ADAMTS2: variants seen among roughly 807,000 people sequenced by gnomAD.
The protein encoded by ADAMTS2 is A disintegrin and metalloproteinase with thrombospondin motifs 2.
A neutral mutation model predicts 123.0 loss-of-function variants in ADAMTS2; 50 were observed. The observed-to-expected ratio is 0.41, with a 90% CI of 0.32 to 0.51. The LOEUF is 0.51. ADAMTS2 is among the 20% of genes least tolerant of loss of function. ADAMTS2 has a pLI of 0.35. For synonymous variants in ADAMTS2, 678 were observed against 695.4 expected, an observed-to-expected ratio of 0.98 and a Z score of 0.39; for missense variants, 1,494 against 1,705.2, an observed-to-expected ratio of 0.88 and a Z score of 2.18.
At chr5:179,270,824 C>G (rs550918077) in intron 3 of ADAMTS2, among the ~76,000 whole-genome samples, 2 of 152,204 alleles carry the variant, frequency 1.3e-5, no homozygotes, top group Admixed American at 1.3e-4. Context: ...CCGAGCCCCT[C>G]ATGCAGGGTC....
chr5:179,226,766 TC>T (rs1306672927), intron 3 of ADAMTS2, among the ~76,000 whole-genome samples: 7 of 152,176 alleles, frequency 4.6e-5, no homozygotes, highest in Non-Finnish European at 5.9e-5. Flanking sequence ...ATTCTAGTTA[TC>T]AAATTTAATC....
intron 2 of ADAMTS2, among the ~76,000 whole-genome samples, chr5:179,280,139 T>C (rs1157377377): frequency 6.6e-6 from 1 of 152,186 alleles, no homozygotes; most frequent in Non-Finnish European, 1.5e-5. Context: ...ACTCTAACCT[T>C]CCCTGGACCT....
Position 179,303,052 on chromosome 5 carries a change from C to T in ADAMTS2, c.535-29988G>A, listed in dbSNP as rs1276141017. On this transcript the variant is annotated intron_variant, in intron 2 of 21. Coordinates refer to ENST00000251582, the MANE Select transcript of ADAMTS2 (RefSeq NM_014244.5). The surrounding 1 kb of genome is among the most constrained non-coding windows in gnomAD (Gnocchi z 4.7). ...GGCGGGGGCAGACTGCACAGAGCTT[C>T]CTCTGCTGTGGGGAGGAGATTGGAT... Among the ~76,000 whole-genome samples, 1 of 151,562 alleles carries T rather than the reference C, an allele frequency of 6.6e-6. No homozygotes were observed. The highest frequency in any genetic ancestry group is 2.4e-5 in the African/African-American group (1 of 41,062).
intron 2 of ADAMTS2, among the ~76,000 whole-genome samples, chr5:179,299,266 A>C (rs112182100): frequency 0.028 from 4,035 of 146,630 alleles, 212 homozygotes; most frequent in African/African-American, 0.091. Flanking sequence ...GCGGTGGCTC[A>C]CGCCTGTAAT....
In ADAMTS2 at chr5:179,152,251, C is replaced by T. The variant is rs148263300; in HGVS notation, c.1520G>A (p.Arg507Gln). 22 of 1,613,790 alleles carry T rather than the reference C, an allele frequency of 1.4e-5. No homozygotes were observed. The African/African-American group carries it at 1.6e-4, about 12-fold the overall frequency. ...GLGYMMCTAF[R>Q]TFDPCKQLWC... ...CAGCTGCTTGCAGGGGTCAAAGGTC[C>T]GGAACTGGAAGACAGCACCATAGCT... Residue 507 changes from arginine to glutamine, a missense_variant, in exon 10 of 22, where the codon CGG (arginine) becomes CAG (glutamine). By Grantham distance (43) the Arg-to-Gln change is conservative. Coordinates refer to ENST00000251582, the MANE Select transcript of ADAMTS2 (RefSeq NM_014244.5).
intron 3 of ADAMTS2, among the ~76,000 whole-genome samples, chr5:179,261,193 A>G (rs1006172690): frequency 1.3e-5 from 2 of 152,262 alleles, no homozygotes; most frequent in African/African-American, 4.8e-5. Context: ...ATAAACAGGC[A>G]AAGGACTTAG....
At position 179,125,104 on chromosome 5, in the gene ADAMTS2, T is replaced by G. The variant is rs1762831446; in HGVS notation, c.2827A>C (p.Ile943Leu). 6.2e-7 allele frequency: 1 copy of G among 1,612,904 alleles called. No homozygotes were observed. Among genetic ancestry groups the G allele is most frequent in the South Asian group, 1.1e-5 (1 of 91,082 alleles). ...TGMQVRSVRCIQPLHDNTTRS... is the reference protein window; with the variant it reads ...TGMQVRSVRCLQPLHDNTTRS... ...GTGGTGTTGTCGTGTAGCGGCTGAA[T>G]GCAGCGCACGGAGCGCACCTGCATG... The change falls in exon 19 of 22, where the codon ATT (isoleucine) becomes CTT (leucine). Residue 943 changes from isoleucine to leucine, a missense_variant. This residue lies in a region of ADAMTS2 where 953 missense variants were observed against 1,124.7 expected (regional missense o/e 0.85). Coordinates refer to ENST00000251582, the MANE Select transcript of ADAMTS2 (RefSeq NM_014244.5).
At chr5:179,299,530 AACACACACACACACACAC>A (rs3986821) in intron 2 of ADAMTS2, among the ~76,000 whole-genome samples, 1 of 120,440 alleles carries the variant, frequency 8.3e-6, no homozygotes, top group African/African-American at 3.2e-5. Context: ...CTCCAACTCA[AACACACACACACACACAC>A]ACACACACAC....
intron 4 of ADAMTS2, 42 bp downstream of exon 4, chr5:179,207,471 A>AACCAGCCCCC: frequency 9.7e-7 from 1 of 1,026,474 alleles, no homozygotes; most frequent in Non-Finnish European, 1.5e-6. Flanking sequence ...CCCCTGGTTG[A>AACCAGCCCCC]CCCTCCCCGC....
intron 5 of ADAMTS2, among the ~76,000 whole-genome samples, chr5:179,159,094 T>C (rs1377001937): frequency 2.0e-5 from 3 of 152,110 alleles, no homozygotes; most frequent in African/African-American, 7.2e-5. Context: ...CCTGCGTGAG[T>C]TTCCACACAA....
intron 6 of ADAMTS2, among the ~76,000 whole-genome samples, chr5:179,156,446 G>A (rs373024816): frequency 1.4e-5 from 2 of 142,890 alleles, no homozygotes; most frequent in African/African-American, 2.6e-5. Context: ...TGCAACCTCC[G>A]CCTCCTGGGT....
intron 2 of ADAMTS2, among the ~76,000 whole-genome samples, chr5:179,321,365 A>G (rs866122964): frequency 3.4e-4 from 51 of 151,236 alleles, no homozygotes; most frequent in African/African-American, 1.1e-3. Context: ...GCTTCCCTCC[A>G]CTCCCTTGCC....
rs1763096275 is a variant in ADAMTS2 at position 179,138,007 on chromosome 5, C to T, written c.1776-63G>A. The stretch of plus-strand genomic sequence containing the variant: ...TTGGAAAGAGGCAGCACCCGGGTGC[C>T]CTTGTGAGATCTTTTTAGGGGGGAT... On this transcript the variant is annotated intron_variant, in intron 11 of 21. Coordinates refer to ENST00000251582, the MANE Select transcript of ADAMTS2 (RefSeq NM_014244.5). 2.6e-6 allele frequency: 4 copies of T among 1,523,046 alleles called. No homozygotes were observed. The East Asian group carries it at 9.8e-5, about 37-fold the overall frequency. 94.3% of individuals were successfully genotyped at this position (1,523,046 alleles called of 1,614,324 possible). A position where few individuals can be genotyped will look rare whatever the true frequency, so the allele number is the denominator to read the frequency against.
Position 179,139,771 on chromosome 5 carries a change from G to A in ADAMTS2, c.1775+119C>T, listed in dbSNP as rs958440693. 2.4e-4 allele frequency: 360 copies of A among 1,483,400 alleles called. 1 individual carries two copies. The highest frequency in any genetic ancestry group is 4.2e-5 in the Non-Finnish European group (46 of 1,087,700). The allele number at this position is 1,483,400 out of a possible 1,614,324, so 91.9% of individuals were successfully genotyped here. On this transcript the variant is annotated intron_variant, in intron 11 of 21. Coordinates refer to ENST00000251582, the MANE Select transcript of ADAMTS2 (RefSeq NM_014244.5). ...TGAGGCAGGCGGGGCAGCCTGCCCT[G>A]CACCTCTCCAGAACTGGTGTGCAGC... is the stretch of plus-strand genomic sequence containing the variant.
chr5:179,174,180 A>AT (rs1199245567), intron 5 of ADAMTS2, among the ~76,000 whole-genome samples: 1 of 152,090 alleles, frequency 6.6e-6, no homozygotes, highest in Non-Finnish European at 1.5e-5. Flanking sequence ...TAAATGGTGT[A>AT]TTATTTATTT....
At chr5:179,135,784 T>G in intron 13 of ADAMTS2, 125 bp downstream of exon 13, 1 of 1,438,276 alleles carries the variant, frequency 7.0e-7, no homozygotes, top group Non-Finnish European at 9.5e-7. Flanking sequence ...GGTCCGGGCA[T>G]TGTTTCTGAC....
intron 2 of ADAMTS2, among the ~76,000 whole-genome samples, chr5:179,325,248 G>C (rs1757281705): frequency 6.6e-6 from 1 of 152,188 alleles, no homozygotes; most frequent in Non-Finnish European, 1.5e-5. Context: ...GAGGGGCCTT[G>C]AATGCTGGTT....
intron 2 of ADAMTS2, among the ~76,000 whole-genome samples, chr5:179,295,445 G>A (rs913228256): frequency 5.3e-5 from 8 of 152,196 alleles, no homozygotes; most frequent in East Asian, 1.9e-4. Context: ...CGTCCTGCCC[G>A]CAGCTCTGTG....
chr5:179,175,163 G>A lies in ADAMTS2; in HGVS notation c.975+5909C>T, dbSNP rs111519074. 2.0e-5 allele frequency among the ~76,000 whole-genome samples: 3 copies of A among 148,014 alleles called. No individual in the cohort carries two copies. Among genetic ancestry groups the A allele is most frequent in the Non-Finnish European group, 3.0e-5 (2 of 67,106 alleles). On this transcript the variant is annotated intron_variant, in intron 5 of 21. Transcript: ENST00000251582. The surrounding 1 kb of genome is among the most constrained non-coding windows in gnomAD (Gnocchi z 4.1). ...GAAGTCTCTTCCTTGCTTGGGTTCC[G>A]CAGCTGTCTCAGCCATTCTTGACCG...
Sources: gnomAD v4.1 joint callset for allele counts (sites outside exome capture counted in the v4.1 genomes callset) on GRCh38, gnomAD v4.1.1 for gene constraint, gnomAD v4.1.1 regional missense constraint, Gnocchi (gnomAD v3.1) non-coding constraint, MANE v1.5 for transcripts, NCBI Gene and HGNC (gene_info 2026-07-23, HGNC 2026-07-21) for gene names.